SH3PXD2B: variants seen among roughly 807,000 people sequenced by gnomAD.
SH3PXD2B encodes SH3 and PX domains 2B.
A neutral mutation model predicts 73.1 loss-of-function variants in SH3PXD2B; 37 were observed. The ratio of observed to expected loss-of-function variants is 0.51; its 90% CI spans 0.39 to 0.67. SH3PXD2B has a LOEUF of 0.67. Among genes scored for constraint, SH3PXD2B ranks in the 30% least tolerant of loss-of-function variants. The pLI, the probability that SH3PXD2B is intolerant of heterozygous loss-of-function variation, is 0.00. For synonymous variants in SH3PXD2B, 457 were observed against 480.5 expected, an observed-to-expected ratio of 0.95 and a Z score of 0.64; for missense variants, 1,053 against 1,197.8, an observed-to-expected ratio of 0.88 and a Z score of 1.78.
chr5:172,390,377 GT>G (rs2113390031), intron 4 of SH3PXD2B, among the ~76,000 whole-genome samples: 1 of 152,300 alleles, frequency 6.6e-6, no homozygotes, highest in South Asian at 2.1e-4. Flanking sequence ...ATTTACCAGT[GT>G]TTCATTGCTT....
chr5:172,336,872 CT>C lies in SH3PXD2B; in HGVS notation c.*1496del, dbSNP rs1449649128. Reference sequence around the variant, plus strand: ...AGTTTGACAGATGACCACATCTGCCCTGGGTTTCTTCAAGGGAGAAAACAGA... The same window carrying C: ...AGTTTGACAGATGACCACATCTGCCCGGGTTTCTTCAAGGGAGAAAACAGA... On this transcript the variant is annotated 3_prime_UTR_variant, in exon 13 of 13. Transcript: ENST00000311601. The C allele has an allele frequency of 1.0e-5, 10 of 985,420 alleles. No individual in the cohort carries two copies. Among genetic ancestry groups the C allele is most frequent in the Non-Finnish European group, 1.1e-5 (9 of 829,946 alleles). The allele number at this position is 985,420 out of a possible 1,614,324, so 61.0% of individuals were successfully genotyped here.
At chr5:172,363,493 A>C (rs940400071) in intron 6 of SH3PXD2B, among the ~76,000 whole-genome samples, 2 of 152,238 alleles carry the variant, frequency 1.3e-5, no homozygotes, top group Non-Finnish European at 2.9e-5. Flanking sequence ...GCGTTAGTTT[A>C]TGAAAAATTG....
At chr5:172,451,701 T>C (rs930178663) in intron 1 of SH3PXD2B, among the ~76,000 whole-genome samples, 4 of 152,204 alleles carry the variant, frequency 2.6e-5, no homozygotes, top group Admixed American at 2.6e-4. Flanking sequence ...GAAAAAGGGA[T>C]ACCAAATGGG....
intron 2 of SH3PXD2B, among the ~76,000 whole-genome samples, chr5:172,412,907 G>A (rs2113444749): frequency 6.6e-6 from 1 of 152,350 alleles, no homozygotes; most frequent in East Asian, 1.9e-4. Flanking sequence ...GAAGGGAGAA[G>A]GAGTCACATC....
chr5:172,329,961 G>T (rs1756525999), downstream of SH3PXD2B, among the ~76,000 whole-genome samples: 1 of 152,174 alleles, frequency 6.6e-6, no homozygotes, highest in Non-Finnish European at 1.5e-5. Flanking sequence ...AAAATTCCCT[G>T]CCTGGTGGCT....
intron 1 of SH3PXD2B, among the ~76,000 whole-genome samples, chr5:172,432,066 G>T (rs1759259967): frequency 6.6e-6 from 1 of 152,184 alleles, no homozygotes; most frequent in Admixed American, 6.5e-5. Flanking sequence ...CCAGCTACTG[G>T]AGAGGCTGAG....
chr5:172,394,510 A>G (rs1758252171), intron 4 of SH3PXD2B, 53 bp downstream of exon 4: 3 of 1,589,184 alleles, frequency 1.9e-6, no homozygotes, highest in Non-Finnish European at 2.6e-6. Flanking sequence ...GAAAAAGAAA[A>G]GAAAACAGAA....
At chr5:172,414,746 T>G (rs1758781889) in intron 2 of SH3PXD2B, among the ~76,000 whole-genome samples, 2 of 152,194 alleles carry the variant, frequency 1.3e-5, no homozygotes, top group South Asian at 4.1e-4. Flanking sequence ...GTGTTCCTTC[T>G]TACAGATGAG....
At chr5:172,412,061 G>A (rs1388115286) in intron 2 of SH3PXD2B, among the ~76,000 whole-genome samples, 1 of 152,118 alleles carries the variant, frequency 6.6e-6, no homozygotes, top group African/African-American at 2.4e-5. Flanking sequence ...GGATGACACA[G>A]TACTTGCCCT....
chr5:172,337,336 A>G lies in SH3PXD2B; in HGVS notation c.*1033T>C, dbSNP rs1314642579. ...CTTTTACAGAGGGGAGGGCACAGGC[A>G]CTGAAGTCAGGCAGGCCTGGACTCA... On this transcript the variant is annotated 3_prime_UTR_variant, in exon 13 of 13. Coordinates refer to ENST00000311601, the MANE Select transcript of SH3PXD2B (RefSeq NM_001017995.3). 1 of 985,378 alleles carries G rather than the reference A, an allele frequency of 1.0e-6. No individual in the cohort carries two copies. Among genetic ancestry groups the G allele is most frequent in the Non-Finnish European group, 1.2e-6 (1 of 829,962 alleles). 61.0% of individuals were successfully genotyped at this position (985,378 alleles called of 1,614,324 possible). A position where few individuals can be genotyped will look rare whatever the true frequency, so the allele number is the denominator to read the frequency against.
chr5:172,433,237 G>A (rs935579797), intron 1 of SH3PXD2B, among the ~76,000 whole-genome samples: 2 of 152,140 alleles, frequency 1.3e-5, no homozygotes, highest in African/African-American at 4.8e-5. Flanking sequence ...GCCTAGGTGT[G>A]TAGTAGACTA....
At chr5:172,439,692 G>GCGCGCACACACACACA (rs1554087696) in intron 1 of SH3PXD2B, among the ~76,000 whole-genome samples, 2 of 138,540 alleles carry the variant, frequency 1.4e-5, no homozygotes, top group African/African-American at 5.6e-5. Flanking sequence ...GCACGCGCGC[G>GCGCGCACACACACACA]CACACACACA....
intron 10 of SH3PXD2B, 21 bp downstream of exon 10, chr5:172,350,341 AG>A: frequency 6.2e-7 from 1 of 1,611,384 alleles, no homozygotes; most frequent in Non-Finnish European, 8.5e-7. Flanking sequence ...GATTATCAGG[AG>A]CTTGGGCGGG....
chr5:172,399,308 G>T (rs1198503658), intron 3 of SH3PXD2B, among the ~76,000 whole-genome samples: 3 of 152,168 alleles, frequency 2.0e-5, no homozygotes, highest in African/African-American at 7.2e-5. Flanking sequence ...AAATGTAAAT[G>T]CTGGTTATGT....
At chr5:172,430,695 G>T (rs1407914520) in intron 1 of SH3PXD2B, among the ~76,000 whole-genome samples, 1 of 152,228 alleles carries the variant, frequency 6.6e-6, no homozygotes, top group Non-Finnish European at 1.5e-5. Flanking sequence ...CTCATGGATG[G>T]TGTTAGGTGT....
rs573327348 is a variant in SH3PXD2B at position 172,369,242 on chromosome 5, G to T, written c.427+4548C>A. On this transcript the variant is annotated intron_variant, in intron 6 of 12. Coordinates refer to ENST00000311601, the MANE Select transcript of SH3PXD2B (RefSeq NM_001017995.3). ...TGTTTTGTTTTGTTTTGTTTGTTTT[G>T]TTTTTTTTTTAAATATTTTTTAAGA... 5.1e-4 allele frequency among the ~76,000 whole-genome samples: 75 copies of T among 146,138 alleles called. 1 individual carries two copies. In the South Asian group the frequency reaches 0.016, roughly 31 times the overall value.
intron 1 of SH3PXD2B, among the ~76,000 whole-genome samples, chr5:172,427,970 G>A (rs1759139579): frequency 3.3e-5 from 5 of 151,976 alleles, no homozygotes; most frequent in Admixed American, 3.3e-4. Context: ...TAGAGACGGG[G>A]TTTCACTATC....
chr5:172,422,346 C>T (rs1045088809), intron 2 of SH3PXD2B, 70 bp downstream of exon 2: 1 of 1,382,358 alleles, frequency 7.2e-7, no homozygotes, highest in South Asian at 1.2e-5. Context: ...GACTCTAAAG[C>T]TGTAGTGGAA....
intron 2 of SH3PXD2B, 65 bp from the exon 3 acceptor site, chr5:172,406,417 T>C (rs1282553205): frequency 1.3e-6 from 2 of 1,549,630 alleles, no homozygotes; most frequent in South Asian, 1.1e-5. Context: ...ATCTAGGACA[T>C]TTTAAAGAAA....
Sources: gnomAD v4.1 joint callset for allele counts (sites outside exome capture counted in the v4.1 genomes callset) on GRCh38, gnomAD v4.1.1 for gene constraint, MANE v1.5 for transcripts, NCBI Gene and HGNC (gene_info 2026-07-23, HGNC 2026-07-21) for gene names.